The following RASGEF1A variants were observed in gnomAD, a reference collection of about 807,000 sequenced individuals.
RASGEF1A encodes ras-GEF domain-containing family member 1A.
In RASGEF1A, 18 loss-of-function variants were observed where a neutral mutation model predicts 56.4. That is an observed-to-expected ratio of 0.32 (90% CI 0.22 to 0.47). The LOEUF is 0.47. RASGEF1A is among the 20% of genes least tolerant of loss of function. The probability of loss-of-function intolerance (pLI) is 1.00; values close to 1 mark genes in which losing one functional copy is unlikely to be tolerated. For missense variants in RASGEF1A, 422 were observed against 627.1 expected, an observed-to-expected ratio of 0.67 and a Z score of 3.49; for synonymous variants, 245 against 242.6, an observed-to-expected ratio of 1.01 and a Z score of -0.09.
At chr10:43,203,158 A>T in intron 3 of RASGEF1A, 140 bp downstream of exon 3, 1 of 179,554 alleles carries the variant, frequency 5.6e-6, no homozygotes, top group Admixed American at 8.6e-5. Flanking sequence ...CCACAGTCCC[A>T]GCCAGGCCAA....
chr10:43,238,726 T>G (rs966598563), intron 1 of RASGEF1A, among the ~76,000 whole-genome samples: 1 of 152,070 alleles, frequency 6.6e-6, no homozygotes, highest in African/African-American at 2.4e-5. Flanking sequence ...GATATCAGGG[T>G]CAGGCTGGTA....
rs747257451 is a variant in RASGEF1A, at chr10:43,198,177, T to C, written c.1051A>G (p.Ser351Gly). 6.2e-7 allele frequency: 1 copy of C among 1,612,658 alleles called. No individual in the cohort carries two copies. The highest frequency in any genetic ancestry group is 1.1e-5 in the South Asian group (1 of 91,044). ...DVLEHHMDPS[S>G]NFCNYRTALQ... is the part of the protein sequence containing the mutation. ...GCTGTACGGTAGTTGCAGAAGTTGC[T>C]GGACGGGTCCATGTGATGCTGTGGG... Residue 351 changes from serine (S) to glycine (G), a missense_variant, in exon 10 of 13, where the codon AGC becomes GGC. By Grantham distance (56) the Ser-to-Gly change is moderately conservative. This residue lies in a region of RASGEF1A where 149 missense variants were observed against 287.2 expected (regional missense o/e 0.52). Transcript: ENST00000395810.
intron 1 of RASGEF1A, among the ~76,000 whole-genome samples, chr10:43,255,652 G>T (rs570058098): frequency 7.2e-5 from 11 of 152,244 alleles, no homozygotes; most frequent in Non-Finnish European, 1.5e-4. Flanking sequence ...CCAGAAACCG[G>T]AAGTGTCTGT....
rs562129377 is a variant in RASGEF1A at position 43,211,239 on chromosome 10, C to T, written c.-6-5117G>A. ...GCCCAGCCTGCTGGTGAGAGGGGTG[C>T]CCTCTTCCATCTTGGAAGAGAGCAG... On this transcript the variant is annotated intron_variant, in intron 1 of 12. Coordinates refer to ENST00000395810, the MANE Select transcript of RASGEF1A (RefSeq NM_145313.4). 2.0e-5 allele frequency among the ~76,000 whole-genome samples: 3 copies of T among 152,300 alleles called. No individual in the cohort carries two copies. In the East Asian group the frequency reaches 5.8e-4, roughly 29 times the overall value.
intron 1 of RASGEF1A, among the ~76,000 whole-genome samples, chr10:43,248,354 A>T (rs1191767762): frequency 7.8e-6 from 1 of 127,432 alleles, no homozygotes; most frequent in Non-Finnish European, 1.6e-5. Context: ...AGACTATGAG[A>T]CTCGGTCTTT....
chr10:43,233,983 G>A (rs1564538629), intron 1 of RASGEF1A, among the ~76,000 whole-genome samples: 1 of 152,192 alleles, frequency 6.6e-6, no homozygotes, highest in Non-Finnish European at 1.5e-5. Context: ...AAGGACACCA[G>A]GCACAAAGAG....
intron 1 of RASGEF1A, chr10:43,208,805 G>A (rs539975885): frequency 1.2e-4 from 121 of 985,496 alleles, no homozygotes; most frequent in East Asian, 1.1e-4. Context: ...GGAGCACTTC[G>A]AGGAGGGTCT....
At chr10:43,202,695 C>T in intron 3 of RASGEF1A, 1 of 466,758 alleles carries the variant, frequency 2.1e-6, no homozygotes, top group South Asian at 1.6e-5. Context: ...TTCGCCCACG[C>T]CGCACAGCCT....
intron 1 of RASGEF1A, among the ~76,000 whole-genome samples, chr10:43,242,609 T>C (rs1025006823): frequency 1.3e-5 from 2 of 152,202 alleles, no homozygotes; most frequent in Non-Finnish European, 2.9e-5. Context: ...CTCGGCTCGC[T>C]GCAACCTCCC....
intron 1 of RASGEF1A, among the ~76,000 whole-genome samples, chr10:43,251,085 G>A (rs751920271): frequency 1.3e-5 from 2 of 152,244 alleles, no homozygotes; most frequent in African/African-American, 2.4e-5. Context: ...TTCCCTGATG[G>A]AGGCCGGGAA....
chr10:43,215,723 CA>C (rs1313941427), intron 1 of RASGEF1A, among the ~76,000 whole-genome samples: 4 of 152,190 alleles, frequency 2.6e-5, no homozygotes, highest in Non-Finnish European at 4.4e-5. Flanking sequence ...GGGAAAAAAA[CA>C]GGGTTCTCTG....
In RASGEF1A at chr10:43,199,755, A is replaced by G. The variant is rs1654138255; in HGVS notation, c.770T>C (p.Leu257Pro). 1 of 1,613,576 alleles carries G rather than the reference A, an allele frequency of 6.2e-7. No individual in the cohort carries two copies. The highest frequency in any genetic ancestry group is 8.5e-7 in the Non-Finnish European group (1 of 1,179,938). The change falls in exon 7 of 13, where the codon CTG (leucine) becomes CCG (proline). Residue 257 changes from leucine (L) to proline (P), a missense_variant. Coordinates refer to ENST00000395810, the MANE Select transcript of RASGEF1A (RefSeq NM_145313.4). ...SLDNHRCRGD[L>P]TKTYSLEAYD... ...GGCCTCCAGGCTGTAGGTCTTGGTC[A>G]GGTCCCCTCGGCACTGGAAAGGACA... is the stretch of plus-strand genomic sequence containing the variant.
chr10:43,248,228 T>C (rs1392930854), intron 1 of RASGEF1A, among the ~76,000 whole-genome samples: 1 of 151,762 alleles, frequency 6.6e-6, no homozygotes, highest in East Asian at 1.9e-4. Context: ...TGGTGGCACA[T>C]GCCTGTAATC....
chr10:43,209,193 T>C, intron 1 of RASGEF1A: 1 of 985,448 alleles, frequency 1.0e-6, no homozygotes, highest in Non-Finnish European at 1.2e-6. Flanking sequence ...GATACACCGA[T>C]GGCCAGGGTG....
At chr10:43,228,164 C>T (rs921413660) in intron 1 of RASGEF1A, among the ~76,000 whole-genome samples, 7 of 152,192 alleles carry the variant, frequency 4.6e-5, no homozygotes, top group African/African-American at 1.7e-4. Flanking sequence ...GCTCCTGATG[C>T]CCCAGTCTCC....
At position 43,208,666 on chromosome 10, in the gene RASGEF1A, A is replaced by T. The variant is rs947256413; in HGVS notation, c.-6-2544T>A. ...TTCTGTCCTGCCTACCTGGAGACCCACCTGGGGACACGGCCCAGGGCTAGG... is the reference window on the plus strand; with the variant it reads ...TTCTGTCCTGCCTACCTGGAGACCCTCCTGGGGACACGGCCCAGGGCTAGG... On this transcript the variant is annotated intron_variant, in intron 1 of 12. Transcript: ENST00000395810. 1.4e-4 allele frequency: 135 copies of T among 985,434 alleles called. No homozygotes were observed. In the African/African-American group the frequency reaches 2.2e-3, roughly 16 times the overall value. 61.0% of individuals were successfully genotyped at this position (985,434 alleles called of 1,614,324 possible). A position where few individuals can be genotyped will look rare whatever the true frequency, so the allele number is the denominator to read the frequency against.
intron 1 of RASGEF1A, chr10:43,229,587 C>T (rs1840333049): frequency 2.8e-6 from 4 of 1,440,532 alleles, no homozygotes; most frequent in South Asian, 2.5e-5. Context: ...AGCCCGACAG[C>T]GCAAGAACCC....
chr10:43,196,119 T>C lies in RASGEF1A; in HGVS notation c.*125A>G, dbSNP rs757219745. 2.3e-6 allele frequency: 2 copies of C among 884,222 alleles called. No individual in the cohort carries two copies. The highest frequency in any genetic ancestry group is 1.9e-5 in the South Asian group (1 of 52,750). The allele number at this position is 884,222 out of a possible 1,614,324, so 54.8% of individuals were successfully genotyped here. On this transcript the variant is annotated 3_prime_UTR_variant, in exon 13 of 13. Coordinates refer to ENST00000395810, the MANE Select transcript of RASGEF1A (RefSeq NM_145313.4). This position sits in a 1 kb window ranked among gnomAD's most constrained non-coding sequence, Gnocchi z 4.6. ...ATGCGTGAAATAATTACCATTTTTT[T>C]CTCATAAAAGTTATATACAAAATGG...
chr10:43,217,599 T>C (rs12241923), intron 1 of RASGEF1A, among the ~76,000 whole-genome samples: 46,306 of 152,174 alleles, frequency 0.3, 7,644 homozygotes, highest in East Asian at 0.61. Context: ...ATCCACAATG[T>C]GCAGGCAAGT....
Sources: allele counts gnomAD v4.1 joint callset (sites outside exome capture counted in the v4.1 genomes callset), GRCh38; gene constraint gnomAD v4.1.1; regional missense constraint gnomAD v4.1.1; non-coding constraint Gnocchi (gnomAD v3.1); transcripts MANE v1.5; gene names NCBI Gene and HGNC (gene_info 2026-07-23, HGNC 2026-07-21).